The following ZNF518A variants were observed in gnomAD, a reference collection of about 807,000 sequenced individuals.
ZNF518A encodes the protein zinc finger protein 518A, also known as zinc finger protein 518.
Under a neutral mutation model 102.7 loss-of-function variants are expected in ZNF518A, and 47 were observed. That is an observed-to-expected ratio of 0.46 (90% confidence interval 0.36 to 0.58). The LOEUF (loss-of-function observed/expected upper bound fraction) is 0.58. Among genes scored for constraint, ZNF518A ranks in the 20% least tolerant of loss-of-function variants. The pLI is 0.00. For missense variants in ZNF518A, 1,793 were observed against 1,699.8 expected (o/e 1.05, Z -0.96); for synonymous variants, 652 against 594.6 (o/e 1.10, Z -1.40).
At position 96,162,954 on chromosome 10, in the gene ZNF518A, AGAG is replaced by A. The variant is rs1554888834; in HGVS notation, c.*2182_*2184del. On this transcript the variant is annotated 3_prime_UTR_variant, in exon 6 of 6. Coordinates refer to ENST00000316045, the MANE Select transcript of ZNF518A (RefSeq NM_001330736.2). ...GTTATGCTGGCAAGGTGAGCCATAG[AGAG>A]GCTTATAGTCTTCAGTACCCTAACA... The A allele has an allele frequency of 6.0e-6, 1 of 167,030 alleles. No individual in the cohort carries two copies. The highest frequency in any genetic ancestry group is 1.5e-5 in the Non-Finnish European group (1 of 68,044). The allele number at this position is 167,030 out of a possible 1,614,324, so 10.3% of individuals were successfully genotyped here.
At chr10:96,168,203 G>A (rs1386979493), downstream of ZNF518A, among the ~76,000 whole-genome samples, 1 of 152,190 alleles carries the variant, frequency 6.6e-6, no homozygotes. Context: ...TTGGAGTCAT[G>A]AGTGAGAGGC....
chr10:96,202,931 T>C (rs12762814), intron 1 of ZNF518A, among the ~76,000 whole-genome samples: 88,351 of 152,048 alleles, frequency 0.58, 26,342 homozygotes, highest in Non-Finnish European at 0.64. Flanking sequence ...TCTCAGACCA[T>C]CCTGTCTACA....
rs142369728 is a variant in ZNF518A at position 96,146,808 on chromosome 10, A to G, written c.-301-8518A>G. Among the ~76,000 whole-genome samples the G allele has an allele frequency of 7.1e-3, 1,088 of 152,320 alleles. 6 individuals carry two copies. Among genetic ancestry groups the G allele is most frequent in the Non-Finnish European group, 0.012 (837 of 68,014 alleles). The stretch of plus-strand genomic sequence containing the variant: ...ACTTTTGGTATTTTGGTGACTATAA[A>G]CACCAAATTGTTTAGTTTTGAAAAT... On this transcript the variant is annotated intron_variant, in intron 3 of 5. Coordinates refer to ENST00000316045, the MANE Select transcript of ZNF518A (RefSeq NM_001330736.2).
At chr10:96,131,320 C>T (rs1294935628) in intron 1 of ZNF518A, among the ~76,000 whole-genome samples, 2 of 152,106 alleles carry the variant, frequency 1.3e-5, no homozygotes, top group Non-Finnish European at 2.9e-5. Context: ...GGTTGATATC[C>T]TCAGGTTTAA....
intron 1 of ZNF518A, among the ~76,000 whole-genome samples, chr10:96,183,234 T>C (rs920068023): frequency 2.0e-5 from 3 of 152,216 alleles, no homozygotes; most frequent in Non-Finnish European, 2.9e-5. Context: ...TTGCTAGTGT[T>C]CTATCAATTT....
chr10:96,164,381 T>C (rs1486194084), downstream of ZNF518A, among the ~76,000 whole-genome samples: 2 of 152,184 alleles, frequency 1.3e-5, no homozygotes, highest in African/African-American at 4.8e-5. Context: ...CCTTGACCCA[T>C]TGGGGATCTC....
intron 3 of ZNF518A, among the ~76,000 whole-genome samples, chr10:96,145,684 C>T (rs1459236932): frequency 1.3e-5 from 2 of 152,198 alleles, no homozygotes; most frequent in East Asian, 1.9e-4. Flanking sequence ...ATCTCTTCTT[C>T]ACCTTTAGTG....
At chr10:96,169,603 C>A (rs1224974565) in intron 1 of ZNF518A, among the ~76,000 whole-genome samples, 2 of 152,010 alleles carry the variant, frequency 1.3e-5, no homozygotes, top group African/African-American at 4.8e-5. Flanking sequence ...TCTTTTAGTT[C>A]TTTGAACATA....
At chr10:96,168,822 A>G (rs2083157853) in intron 1 of ZNF518A, among the ~76,000 whole-genome samples, 1 of 152,192 alleles carries the variant, frequency 6.6e-6, no homozygotes, top group Non-Finnish European at 1.5e-5. Context: ...CAGTTTGACT[A>G]TGATGTGCCA....
chr10:96,192,324 A>G (rs911321365), intron 1 of ZNF518A, among the ~76,000 whole-genome samples: 30 of 132,326 alleles, frequency 2.3e-4, no homozygotes, highest in East Asian at 1.5e-3. Context: ...TAGCATAGCT[A>G]CTTAGAGAGA....
chr10:96,134,224 T>G (rs1236326882), intron 3 of ZNF518A, among the ~76,000 whole-genome samples: 2 of 152,134 alleles, frequency 1.3e-5, no homozygotes, highest in Non-Finnish European at 2.9e-5. Context: ...CCAAGCTTTT[T>G]TGTTTTGTTT....
exon 3 of ZNF518A, chr10:96,204,039 T>C: frequency 6.2e-7 from 1 of 1,609,240 alleles, no homozygotes; most frequent in Admixed American, 1.7e-5. Context: ...ATACACTACA[T>C]GGCTTCGTTG....
chr10:96,173,700 C>T (rs1384299311), intron 1 of ZNF518A, among the ~76,000 whole-genome samples: 1 of 152,104 alleles, frequency 6.6e-6, no homozygotes, highest in Non-Finnish European at 1.5e-5. Context: ...TGATACTCCA[C>T]TTTGCATAAA....
At chr10:96,195,401 A>T (rs1488257020) in intron 1 of ZNF518A, among the ~76,000 whole-genome samples, 4 of 152,250 alleles carry the variant, frequency 2.6e-5, no homozygotes, top group African/African-American at 9.6e-5. Flanking sequence ...CAAGAGGTAG[A>T]AGCAACACAA....
chr10:96,147,458 C>T (rs1377051969), intron 3 of ZNF518A, among the ~76,000 whole-genome samples: 3 of 152,098 alleles, frequency 2.0e-5, no homozygotes, highest in Non-Finnish European at 4.4e-5. Flanking sequence ...TCATGTCTTT[C>T]TCTCTCTCTG....
Position 96,157,723 on chromosome 10 carries a change from A to G in ZNF518A, c.1401A>G (p.Val467=), listed in dbSNP as rs782135910. Residue 467 remains valine (V), a synonymous_variant, in exon 6 of 6, where the codon GTA becomes GTG. Coordinates refer to ENST00000316045, the MANE Select transcript of ZNF518A (RefSeq NM_001330736.2). ...VLKLVPIKQN[V]CSPGSQSGAA... ...AATTGGTGCCTATCAAACAAAATGTATGTTCACCAGGCTCACAGTCAGGTG... is the reference window on the plus strand; with the variant it reads ...AATTGGTGCCTATCAAACAAAATGTGTGTTCACCAGGCTCACAGTCAGGTG... 6.2e-6 allele frequency: 10 copies of G among 1,613,788 alleles called. No homozygotes were observed. The highest frequency in any genetic ancestry group is 4.4e-5 in the South Asian group (4 of 91,086).
intron 1 of ZNF518A, among the ~76,000 whole-genome samples, chr10:96,173,424 T>G (rs781982562): frequency 3.9e-5 from 6 of 152,128 alleles, no homozygotes; most frequent in African/African-American, 1.4e-4. Flanking sequence ...ATTTTAAAAA[T>G]GGAAAAACAT....
At chr10:96,204,025 C>T (rs1444269476) in exon 3 of ZNF518A, 11 of 1,598,404 alleles carry the variant, frequency 6.9e-6, no homozygotes, top group Non-Finnish European at 8.6e-6. Context: ...TCGACCACTC[C>T]CTGATACACT....
In ZNF518A at chr10:96,157,936, T is replaced by A. The variant is rs782672288; in HGVS notation, c.1614T>A (p.Asn538Lys). The A allele has an allele frequency of 6.2e-7, 1 of 1,613,854 alleles. No individual in the cohort carries two copies. The highest frequency in any genetic ancestry group is 8.5e-7 in the Non-Finnish European group (1 of 1,179,782). ...AAATGACTTTGATATCTCAAAGGAATAATATGCTTCAAACAATGGATTATG... is the reference window on the plus strand; with the variant it reads ...AAATGACTTTGATATCTCAAAGGAAAAATATGCTTCAAACAATGGATTATG... ...EKEMTLISQR[N>K]NMLQTMDYEK... The change falls in exon 6 of 6, where the codon AAT becomes AAA. Residue 538 changes from asparagine to lysine, a missense_variant. By Grantham distance (94) the Asn-to-Lys change is moderately conservative. Coordinates refer to ENST00000316045, the MANE Select transcript of ZNF518A (RefSeq NM_001330736.2).
Sources: allele counts gnomAD v4.1 joint callset (sites outside exome capture counted in the v4.1 genomes callset), GRCh38; gene constraint gnomAD v4.1.1; transcripts MANE v1.5; gene names NCBI Gene and HGNC (gene_info 2026-07-23, HGNC 2026-07-21).